KIF9: variants seen among roughly 807,000 people sequenced by gnomAD.
KIF9 encodes the protein kinesin family member 9.
KIF9 carries 68 observed loss-of-function variants against 94.8 expected under a neutral mutation model. The observed-to-expected ratio is 0.72, with a 90% confidence interval of 0.59 to 0.88. KIF9 has a LOEUF of 0.88. KIF9 is among the 40% of genes least tolerant of loss of function. The pLI is 0.00. For missense variants in KIF9, 882 were observed against 982.5 expected (o/e 0.90, Z 1.37); for synonymous variants, 343 against 362.1 (o/e 0.95, Z 0.60).
rs372976130 is a variant in KIF9 at position 47,248,029 on chromosome 3, G to T, written c.1117C>A (p.His373Asn). 155 of 1,612,842 alleles carry T rather than the reference G, an allele frequency of 9.6e-5. No individual in the cohort carries two copies. The highest frequency in any genetic ancestry group is 1.3e-4 in the Non-Finnish European group (152 of 1,179,110). The change falls in exon 11 of 21, where the codon CAT (histidine) becomes AAT (asparagine). Residue 373 changes from histidine (H) to asparagine (N), a missense_variant. Physicochemically the swap from His to Asn is moderately conservative, Grantham distance 68. Coordinates refer to ENST00000684063, the MANE Select transcript of KIF9 (RefSeq NM_182902.4). The part of the protein sequence containing the change: ...LALLKQELAI[H>N]DSLTNRTFVT... ...CTCTAGCCTCTTACCAGGCTGTCAT[G>T]GATAGCCAGCTCCTGCTTGAGTAGT...
intron 1 of KIF9, among the ~76,000 whole-genome samples, chr3:47,280,364 G>A (rs1487910545): frequency 6.6e-6 from 1 of 152,144 alleles, no homozygotes; most frequent in Non-Finnish European, 1.5e-5. Context: ...CAGGTGCCCA[G>A]GCCTCTCTCC....
At position 47,264,354 on chromosome 3, in the gene KIF9, C is replaced by A; in HGVS notation, c.917-4G>T. 1.2e-6 allele frequency: 2 copies of A among 1,612,632 alleles called. No individual in the cohort carries two copies. Among genetic ancestry groups the A allele is most frequent in the Non-Finnish European group, 1.7e-6 (2 of 1,178,722 alleles). On this transcript the variant is annotated splice_polypyrimidine_tract_variant and splice_region_variant and intron_variant, in intron 8 of 20. Coordinates refer to ENST00000684063, the MANE Select transcript of KIF9 (RefSeq NM_182902.4). ...AGGACCATATTGCAGTTTCCCCCTG[C>A]GGAAAGCAAGACACAGAAGGGCTAT...
At position 47,236,582 on chromosome 3, in the gene KIF9, C is replaced by T. The variant is rs1342931801; in HGVS notation, c.1962G>A (p.Glu654=). Residue 654 remains glutamate (E), a synonymous_variant, in exon 18 of 21, where the codon GAG becomes GAA. Coordinates refer to ENST00000684063, the MANE Select transcript of KIF9 (RefSeq NM_182902.4). The part of the protein sequence containing the change: ...YENKGLMIID[E]EEFLLILKLK... ...GCTTGAGGATCAGCAGGAATTCTTC[C>T]TCATCGATGATCATCAGCCCCTTGT... The T allele has an allele frequency of 1.9e-6, 3 of 1,613,914 alleles. No homozygotes were observed. In the East Asian group the frequency reaches 6.7e-5, roughly 36 times the overall value.
chr3:47,245,385 A>C (rs1699855141), intron 14 of KIF9, 36 bp downstream of exon 14: 2 of 1,484,494 alleles, frequency 1.3e-6, no homozygotes, highest in Non-Finnish European at 1.9e-6. Context: ...GGGAAATCTG[A>C]GGTGAGTGCT....
rs116102751 is a variant in KIF9, at chr3:47,242,846, T to C, written c.1709+205A>G. 837 of 412,052 alleles carry C rather than the reference T, an allele frequency of 2.0e-3. 5 individuals are homozygous for C. The highest frequency in any genetic ancestry group is 0.015 in the African/African-American group (754 of 50,290). 25.5% of individuals were successfully genotyped at this position (412,052 alleles called of 1,614,324 possible). A position where few individuals can be genotyped will look rare whatever the true frequency, so the allele number is the denominator to read the frequency against. ...ATTTGGAGGGTCTAAAATGATTCCA[T>C]GTTTAATTGTGCATCTTGGATGACT... On this transcript the variant is annotated intron_variant, in intron 16 of 20. Transcript: ENST00000684063.
At chr3:47,267,309 G>C in intron 5 of KIF9, 46 bp from the exon 6 acceptor site, 2 of 1,357,588 alleles carry the variant, frequency 1.5e-6, no homozygotes, top group Non-Finnish European at 2.1e-6. Flanking sequence ...AAACTAAAAC[G>C]ACAAGGCACT....
intron 2 of KIF9, among the ~76,000 whole-genome samples, chr3:47,276,249 A>ATT (rs1284538955): frequency 6.6e-6 from 1 of 152,068 alleles, no homozygotes; most frequent in Non-Finnish European, 1.5e-5. Flanking sequence ...CAGAGAGAAA[A>ATT]ATTAAGATGA....
Position 47,228,686 on chromosome 3 carries a change from G to T in KIF9, c.2339C>A (p.Thr780Asn). ...ATGTGCCTGCTGGAGGCCCATCATGGTTTTCAAGTAATTATGCTGGACACA... is the reference window on the plus strand; with the variant it reads ...ATGTGCCTGCTGGAGGCCCATCATGTTTTTCAAGTAATTATGCTGGACACA... ...KIEQKHNYLK[T>N]MMGLQQAHRK is the part of the protein sequence containing the mutation. Residue 780 changes from threonine (T) to asparagine (N), a missense_variant, in exon 21 of 21, where the codon ACC (threonine) becomes AAC (asparagine). Coordinates refer to ENST00000684063, the MANE Select transcript of KIF9 (RefSeq NM_182902.4). 6.2e-7 allele frequency: 1 copy of T among 1,613,936 alleles called. No individual in the cohort carries two copies. Among genetic ancestry groups the T allele is most frequent in the African/African-American group, 1.3e-5 (1 of 75,040 alleles).
chr3:47,282,065 C>T (rs1702405445), intron 1 of KIF9: 2 of 350,798 alleles, frequency 5.7e-6, no homozygotes, highest in Non-Finnish European at 8.0e-6. Flanking sequence ...CCCAATGTGC[C>T]GGACCCCCGC....
intron 20 of KIF9, among the ~76,000 whole-genome samples, chr3:47,234,731 T>C (rs145588230): frequency 0.041 from 5,609 of 136,382 alleles, 432 homozygotes; most frequent in African/African-American, 0.15. Context: ...ATTTTTTGTA[T>C]TTTTAGTAGA....
In KIF9 at chr3:47,244,933, A is replaced by G; in HGVS notation, c.1381-9T>C. 6.2e-7 allele frequency: 1 copy of G among 1,613,974 alleles called. No individual in the cohort carries two copies. The highest frequency in any genetic ancestry group is 8.5e-7 in the Non-Finnish European group (1 of 1,179,888). ...ACATCCACAAGCCCCGCCTACATAG[A>G]GAGGCCAGCCAAAGGTCTGTGAGTT... On this transcript the variant is annotated splice_polypyrimidine_tract_variant and intron_variant, in intron 14 of 20. Coordinates refer to ENST00000684063, the MANE Select transcript of KIF9 (RefSeq NM_182902.4).
intron 1 of KIF9, 116 bp downstream of exon 1, chr3:47,282,379 G>T: frequency 1.0e-6 from 1 of 985,928 alleles, no homozygotes; most frequent in Non-Finnish European, 1.2e-6. Context: ...AGAGATGAGC[G>T]ACCCAGCTGG....
rs1246860552 is a variant in KIF9 at position 47,228,541 on chromosome 3, G to A, written c.*111C>T. On this transcript the variant is annotated 3_prime_UTR_variant, in exon 21 of 21. Transcript: ENST00000684063. ...AGGCCAAATGTGTTCTCTGTGCTGG[G>A]TCCCAGCATTGGAGTAGAGGGGGCT... The A allele has an allele frequency of 1.1e-6, 1 of 896,732 alleles. No individual in the cohort carries two copies. Among genetic ancestry groups the A allele is most frequent in the Non-Finnish European group, 1.9e-6 (1 of 533,658 alleles). The allele number at this position is 896,732 out of a possible 1,614,324, so 55.5% of individuals were successfully genotyped here. A position where few individuals can be genotyped will look rare whatever the true frequency, so the allele number is the denominator to read the frequency against.
chr3:47,276,638 T>C (rs1356693950), intron 2 of KIF9, among the ~76,000 whole-genome samples: 1 of 152,062 alleles, frequency 6.6e-6, no homozygotes, highest in Non-Finnish European at 1.5e-5. Flanking sequence ...CTGTGTTCGC[T>C]GAAAACCATG....
rs567886193 is a variant in KIF9 at position 47,229,788 on chromosome 3, C to T, written c.2323-1086G>A. 7.3e-5 allele frequency among the ~76,000 whole-genome samples: 11 copies of T among 151,278 alleles called. No individual in the cohort carries two copies. The South Asian group carries it at 2.1e-3, about 29-fold the overall frequency. On this transcript the variant is annotated intron_variant, in intron 20 of 20. Transcript: ENST00000684063. ...TCGCTCTGTCACCCAGGCCGGAGTACAGTGGCGCAATCTCGGCTCACTACA... is the reference window on the plus strand; with the variant it reads ...TCGCTCTGTCACCCAGGCCGGAGTATAGTGGCGCAATCTCGGCTCACTACA...
At chr3:47,234,094 A>G (rs952461826) in intron 20 of KIF9, among the ~76,000 whole-genome samples, 4 of 152,052 alleles carry the variant, frequency 2.6e-5, no homozygotes, top group Non-Finnish European at 5.9e-5. Flanking sequence ...ACCCCCCCCA[A>G]AAAAAAGAAA....
At chr3:47,265,672 C>T in intron 8 of KIF9, 58 bp downstream of exon 8, 1 of 1,583,628 alleles carries the variant, frequency 6.3e-7, no homozygotes, top group Admixed American at 1.7e-5. Flanking sequence ...ATGTGCCAAA[C>T]CTGTCCCTCC....
At chr3:47,229,708 T>C (rs1280594926) in intron 20 of KIF9, among the ~76,000 whole-genome samples, 1 of 151,992 alleles carries the variant, frequency 6.6e-6, no homozygotes, top group Non-Finnish European at 1.5e-5. Context: ...CCTGTAGAAA[T>C]ACAGGACTCC....
At position 47,267,189 on chromosome 3, in the gene KIF9, G is replaced by C; in HGVS notation, c.666C>G (p.Ile222Met). Residue 222 changes from isoleucine (I) to methionine (M), a missense_variant, in exon 6 of 21, where the codon ATC (isoleucine) becomes ATG (methionine). Ile to Met is a conservative substitution (Grantham distance 10). Transcript: ENST00000684063. ...NSSRSHCIFT[I>M]YLEAHSRTLS... is the part of the protein sequence containing the mutation. Reference sequence around the variant, plus strand: ...AAGAGCTTGCACCTACCTCTAAGTAGATGGTGAAAATGCAGTGTGATCTGG... The same window carrying C: ...AAGAGCTTGCACCTACCTCTAAGTACATGGTGAAAATGCAGTGTGATCTGG... 7 of 1,612,716 alleles carry C rather than the reference G, an allele frequency of 4.3e-6. No individual in the cohort carries two copies. Among genetic ancestry groups the C allele is most frequent in the Non-Finnish European group, 5.9e-6 (7 of 1,178,742 alleles).
Sources: gnomAD v4.1 joint callset for allele counts (sites outside exome capture counted in the v4.1 genomes callset) on GRCh38, gnomAD v4.1.1 for gene constraint, MANE v1.5 for transcripts, NCBI Gene and HGNC (gene_info 2026-07-23, HGNC 2026-07-21) for gene names.